The following THADA variants were observed in gnomAD, a reference collection of about 807,000 sequenced individuals.
The protein encoded by THADA is THADA armadillo repeat containing.
A neutral mutation model predicts 219.8 loss-of-function variants in THADA; 213 were observed. The observed-to-expected ratio is 0.97, with a 90% CI of 0.87 to 1.09. The LOEUF (loss-of-function observed/expected upper bound fraction) is 1.09. Ranked by LOEUF, THADA falls within the 50% of genes least tolerant of loss-of-function variation. The pLI is 0.00. For missense variants in THADA, 2,956 were observed against 2,311.3 expected, an observed-to-expected ratio of 1.28 and a Z score of -5.72; for synonymous variants, 1,018 against 828.9, an observed-to-expected ratio of 1.23 and a Z score of -3.92.
At chr2:43,437,159 T>C in intron 26 of THADA, among the ~76,000 whole-genome samples, 1 of 152,226 alleles carries the variant, frequency 6.6e-6, no homozygotes. Flanking sequence ...TAATCACTGA[T>C]AGCACTTCAG....
intron 29 of THADA, among the ~76,000 whole-genome samples, chr2:43,390,429 T>C (rs905822618): frequency 5.9e-5 from 9 of 152,000 alleles, no homozygotes; most frequent in African/African-American, 2.2e-4. Context: ...CAGAAGAAAA[T>C]ATGTCTACCC....
chr2:43,419,167 G>A (rs1677386508), intron 28 of THADA, among the ~76,000 whole-genome samples: 1 of 152,186 alleles, frequency 6.6e-6, no homozygotes. Flanking sequence ...TTGGGCAAGG[G>A]CACAAAGTAG....
intron 25 of THADA, among the ~76,000 whole-genome samples, chr2:43,495,516 G>A (rs1688151825): frequency 6.6e-6 from 1 of 151,922 alleles, no homozygotes; most frequent in Non-Finnish European, 1.5e-5. Flanking sequence ...ATATCTGTAC[G>A]GTAATTTAAC....
intron 36 of THADA, among the ~76,000 whole-genome samples, chr2:43,270,054 A>T (rs113951823): frequency 1.3e-5 from 2 of 152,130 alleles, no homozygotes; most frequent in African/African-American, 4.8e-5. Context: ...CACCCCTGCC[A>T]GCTCCTCTCT....
chr2:43,592,467 C>G (rs936604895), intron 1 of THADA, 51 bp from the exon 2 acceptor site: 11 of 1,117,576 alleles, frequency 9.8e-6, no homozygotes, highest in Non-Finnish European at 1.3e-5. Flanking sequence ...TCAACCTCAG[C>G]ACTATGATTT....
At chr2:43,403,815 G>A (rs762487983) in intron 28 of THADA, among the ~76,000 whole-genome samples, 49 of 151,964 alleles carry the variant, frequency 3.2e-4, no homozygotes, top group Non-Finnish European at 6.3e-4. Flanking sequence ...GTCTGACCCT[G>A]ACCCCACACC....
intron 21 of THADA, among the ~76,000 whole-genome samples, chr2:43,537,254 G>A (rs965222687): frequency 4.1e-4 from 62 of 152,272 alleles, no homozygotes; most frequent in Middle Eastern, 6.8e-3. Context: ...TTAACCATGG[G>A]CAATATTAAC....
chr2:43,561,087 T>G, intron 15 of THADA, among the ~76,000 whole-genome samples: 1 of 150,560 alleles, frequency 6.6e-6, no homozygotes. Flanking sequence ...ATGATCAGTA[T>G]GATGACATAT....
At chr2:43,585,577 T>TAGAAAGAA (rs755218548) in intron 7 of THADA, among the ~76,000 whole-genome samples, 59 of 135,310 alleles carry the variant, frequency 4.4e-4, no homozygotes, top group African/African-American at 1.5e-3. Context: ...GATAGATAGA[T>TAGAAAGAA]AGAAAGAAAT....
chr2:43,410,752 G>C (rs1397941387), intron 28 of THADA, among the ~76,000 whole-genome samples: 1 of 152,052 alleles, frequency 6.6e-6, no homozygotes, highest in Non-Finnish European at 1.5e-5. Context: ...GTTGGGTAAG[G>C]ATTACAAAGG....
chr2:43,592,824 A>G (rs1701715918), intron 1 of THADA: 2 of 153,958 alleles, frequency 1.3e-5, no homozygotes, highest in Non-Finnish European at 2.9e-5. Flanking sequence ...TTTTCCAAAG[A>G]TAAAATACTT....
At chr2:43,473,670 G>A (rs1039427486) in intron 26 of THADA, among the ~76,000 whole-genome samples, 1 of 151,622 alleles carries the variant, frequency 6.6e-6, no homozygotes, top group African/African-American at 2.4e-5. Context: ...GTGCAGTGGC[G>A]CGATCTTGGC....
chr2:43,538,341 G>A (rs1330947707), intron 21 of THADA: 20 of 152,316 alleles, frequency 1.3e-4, no homozygotes, highest in Middle Eastern at 3.4e-3. Flanking sequence ...ATCCCTCAAA[G>A]TTGGTTTTAT....
chr2:43,316,244 A>C (rs1678065889), intron 31 of THADA, among the ~76,000 whole-genome samples: 1 of 152,188 alleles, frequency 6.6e-6, no homozygotes, highest in African/African-American at 2.4e-5. Flanking sequence ...TTAGTGCCTC[A>C]AATGTGTCCC....
chr2:43,381,296 G>C (rs1382409549), intron 29 of THADA, among the ~76,000 whole-genome samples: 2 of 152,032 alleles, frequency 1.3e-5, no homozygotes, highest in African/African-American at 4.8e-5. Context: ...AGTCCATACT[G>C]ATTGAAATAA....
At chr2:43,508,521 C>G in intron 23 of THADA, 127 bp downstream of exon 23, 1 of 909,448 alleles carries the variant, frequency 1.1e-6, no homozygotes, top group African/African-American at 1.7e-5. Flanking sequence ...GCCACAAATG[C>G]TATGGTGCTG....
At chr2:43,565,464 G>A (rs981292623) in intron 15 of THADA, 1 of 150,560 alleles carries the variant, frequency 6.6e-6, no homozygotes, top group African/African-American at 2.4e-5. Context: ...AATCTAGGTA[G>A]AGCATAAATA....
At position 43,485,293 on chromosome 2, in the gene THADA, G is replaced by C; in HGVS notation, c.3777C>G (p.Ala1259=). The change falls in exon 26 of 38, where the codon GCC becomes GCG. Residue 1259 remains alanine (A), a synonymous_variant. Transcript: ENST00000405975. ...TAACTCCAAAAATTCTTGTGATCAA[G>C]GCACTAAAGAGAAGTGTGGATGAAT... ...VRNSSTLLFS[A]LITRIFGVKR... 3 of 1,612,922 alleles carry C rather than the reference G, an allele frequency of 1.9e-6. No homozygotes were observed. Among genetic ancestry groups the C allele is most frequent in the South Asian group, 2.2e-5 (2 of 91,024 alleles).
At chr2:43,313,664 A>G (rs914984147) in intron 31 of THADA, among the ~76,000 whole-genome samples, 1 of 152,210 alleles carries the variant, frequency 6.6e-6, no homozygotes, top group African/African-American at 2.4e-5. Flanking sequence ...AGGATGGGAA[A>G]CAGAAACACA....
Sources: allele counts gnomAD v4.1 joint callset (sites outside exome capture counted in the v4.1 genomes callset), GRCh38; gene constraint gnomAD v4.1.1; transcripts MANE v1.5; gene names NCBI Gene and HGNC (gene_info 2026-07-23, HGNC 2026-07-21).